Variants in CADM2 observed in about 807,000 individuals in gnomAD.
CADM2 encodes the protein immunoglobulin superfamily member 4D.
In CADM2, 12 loss-of-function variants were observed where a neutral mutation model predicts 49.8. The ratio of observed to expected loss-of-function variants is 0.24; its 90% CI spans 0.15 to 0.39. The LOEUF (loss-of-function observed/expected upper bound fraction) is 0.39, where lower values mean the gene tolerates loss of function less well. Among genes scored for constraint, CADM2 ranks in the 10% least tolerant of loss-of-function variants. CADM2 has a pLI of 1.00. For missense variants in CADM2, 378 were observed against 492.3 expected (o/e 0.77, Z 2.20); for synonymous variants, 214 against 175.4 (o/e 1.22, Z -1.74).
intron 1 of CADM2, among the ~76,000 whole-genome samples, chr3:84,989,246 A>C (rs2032754260): frequency 6.6e-6 from 1 of 152,184 alleles, no homozygotes; most frequent in Non-Finnish European, 1.5e-5. Context: ...TTCACAACAA[A>C]AATTCACAGA....
At chr3:85,299,078 A>T (rs2044033270) in intron 1 of CADM2, among the ~76,000 whole-genome samples, 1 of 152,032 alleles carries the variant, frequency 6.6e-6, no homozygotes, top group African/African-American at 2.4e-5. Flanking sequence ...ATTTTTAAAG[A>T]TTCATTATTT....
chr3:85,570,764 A>C (rs559303853), intron 1 of CADM2, among the ~76,000 whole-genome samples: 5 of 152,268 alleles, frequency 3.3e-5, no homozygotes, highest in East Asian at 1.9e-4. Context: ...TATTGCCACA[A>C]ATCTGAAAAT....
intron 1 of CADM2, among the ~76,000 whole-genome samples, chr3:85,330,182 C>G (rs1366559853): frequency 6.6e-6 from 1 of 152,100 alleles, no homozygotes; most frequent in Non-Finnish European, 1.5e-5. Flanking sequence ...TCCTCATCAC[C>G]TAGGAATATT....
chr3:85,160,745 C>T (rs2040297838), intron 1 of CADM2, among the ~76,000 whole-genome samples: 1 of 152,076 alleles, frequency 6.6e-6, no homozygotes, highest in Admixed American at 6.6e-5. Flanking sequence ...GACATTTATG[C>T]AATAATTAGT....
chr3:85,176,068 C>T (rs1355588026), intron 1 of CADM2, among the ~76,000 whole-genome samples: 1 of 151,784 alleles, frequency 6.6e-6, no homozygotes, highest in East Asian at 1.9e-4. Flanking sequence ...TCTTTTGATA[C>T]ATGGAGCATT....
In CADM2 at chr3:85,205,082, A is replaced by G. The variant is rs1387622127; in HGVS notation, c.61+245414A>G. The stretch of plus-strand genomic sequence containing the variant: ...ACCTAGGCTGGAGTGCAGTAGTGTA[A>G]TCGTGGCTCACTGCAGCCTCCACCT... On this transcript the variant is annotated intron_variant, in intron 1 of 9. Transcript: ENST00000383699. 1.3e-5 allele frequency among the ~76,000 whole-genome samples: 2 copies of G among 150,978 alleles called. 1 individual carries two copies. Among genetic ancestry groups the G allele is most frequent in the East Asian group, 3.9e-4 (2 of 5,142 alleles).
chr3:85,311,630 C>T (rs1232343971), intron 1 of CADM2, among the ~76,000 whole-genome samples: 1 of 152,090 alleles, frequency 6.6e-6, no homozygotes, highest in Non-Finnish European at 1.5e-5. Flanking sequence ...CCCGCCTCGG[C>T]CTCCCAAAGT....
intron 1 of CADM2, among the ~76,000 whole-genome samples, chr3:85,021,632 A>C (rs2034515261): frequency 6.6e-6 from 1 of 151,922 alleles, no homozygotes; most frequent in South Asian, 2.1e-4. Flanking sequence ...AAAATTAGCC[A>C]GGCGTGGTGG....
intron 8 of CADM2, among the ~76,000 whole-genome samples, chr3:86,064,221 A>G (rs1331240914): frequency 6.6e-6 from 1 of 151,696 alleles, no homozygotes; most frequent in East Asian, 1.9e-4. Flanking sequence ...CCACCCCACG[A>G]CAGGCCCCGG....
At chr3:85,010,773 G>T (rs928858772) in intron 1 of CADM2, among the ~76,000 whole-genome samples, 1 of 136,298 alleles carries the variant, frequency 7.3e-6, no homozygotes, top group South Asian at 2.4e-4. Context: ...AATATATATT[G>T]TGATAATAAT....
At chr3:84,982,737 A>ATATATATATATATATATATG (rs1553663805) in intron 1 of CADM2, among the ~76,000 whole-genome samples, 1 of 115,378 alleles carries the variant, frequency 8.7e-6, no homozygotes, top group Non-Finnish European at 1.7e-5. Context: ...ATATATATAC[A>ATATATATATATATATATATG]TTTTTTGTTT....
intron 2 of CADM2, among the ~76,000 whole-genome samples, chr3:85,751,554 G>A (rs1179471962): frequency 6.6e-6 from 1 of 152,138 alleles, no homozygotes; most frequent in African/African-American, 2.4e-5. Flanking sequence ...ACACCCATGT[G>A]TTGAGTCATT....
At chr3:86,049,802 TG>T (rs1737135192) in intron 8 of CADM2, among the ~76,000 whole-genome samples, 1 of 152,082 alleles carries the variant, frequency 6.6e-6, no homozygotes, top group Admixed American at 6.5e-5. Flanking sequence ...AACGGGGCGG[TG>T]CCAAACCGTT....
At chr3:85,303,069 TATTC>T in intron 1 of CADM2, among the ~76,000 whole-genome samples, 1 of 152,072 alleles carries the variant, frequency 6.6e-6, no homozygotes, top group East Asian at 1.9e-4. Flanking sequence ...CACTGTCTCT[TATTC>T]ATTTATGTTT....
At chr3:85,524,617 G>A (rs1456219021) in intron 1 of CADM2, among the ~76,000 whole-genome samples, 1 of 152,082 alleles carries the variant, frequency 6.6e-6, no homozygotes, top group African/African-American at 2.4e-5. Context: ...CTGTTGGGTG[G>A]CATATTCCCA....
At chr3:85,545,555 C>G (rs772143019) in intron 1 of CADM2, among the ~76,000 whole-genome samples, 2 of 152,120 alleles carry the variant, frequency 1.3e-5, no homozygotes, top group Non-Finnish European at 1.5e-5. Flanking sequence ...AAATTACTCC[C>G]GTAAGCTCAA....
intron 1 of CADM2, among the ~76,000 whole-genome samples, chr3:85,548,798 G>T (rs2061730812): frequency 6.6e-6 from 1 of 152,050 alleles, no homozygotes; most frequent in Non-Finnish European, 1.5e-5. Context: ...AGAAGTCTTT[G>T]GCTGAGCATA....
intron 8 of CADM2, among the ~76,000 whole-genome samples, chr3:86,030,980 G>A (rs1034205973): frequency 9.2e-5 from 14 of 151,780 alleles, no homozygotes; most frequent in Middle Eastern, 3.2e-3. Context: ...TAGAAAGTAA[G>A]CAAGTATAGT....
intron 3 of CADM2, among the ~76,000 whole-genome samples, chr3:85,803,919 G>A (rs1448609): frequency 6.6e-6 from 1 of 151,946 alleles, no homozygotes; most frequent in South Asian, 2.1e-4. Flanking sequence ...CATATTGACA[G>A]TTAATATAAA....
Sources: gnomAD v4.1 joint callset for allele counts (sites outside exome capture counted in the v4.1 genomes callset) on GRCh38, gnomAD v4.1.1 for gene constraint, MANE v1.5 for transcripts, NCBI Gene and HGNC (gene_info 2026-07-23, HGNC 2026-07-21) for gene names.